The following LIN28B variants were observed in gnomAD, a reference collection of about 807,000 sequenced individuals.
LIN28B encodes the protein protein lin-28 homolog B.
A neutral mutation model predicts 21.9 loss-of-function variants in LIN28B; 5 were observed. That is an observed-to-expected ratio of 0.23 (90% CI 0.12 to 0.48). The LOEUF is 0.48. LIN28B is among the 20% of genes least tolerant of loss of function. LIN28B has a pLI of 0.98. For synonymous variants in LIN28B, 109 were observed against 111.3 expected, an observed-to-expected ratio of 0.98 and a Z score of 0.13; for missense variants, 245 against 310.5, an observed-to-expected ratio of 0.79 and a Z score of 1.58.
chr6:105,020,570 C>T (rs1300018773), intron 2 of LIN28B, among the ~76,000 whole-genome samples: 3 of 151,844 alleles, frequency 2.0e-5, no homozygotes, highest in Non-Finnish European at 4.4e-5. Context: ...CTACCTCCCT[C>T]GGCCTCCCAA....
chr6:104,945,498 G>T (rs1778146410), intron 2 of LIN28B, among the ~76,000 whole-genome samples: 1 of 151,964 alleles, frequency 6.6e-6, no homozygotes, highest in Non-Finnish European at 1.5e-5. Context: ...GTTTTACCTA[G>T]AATCATTTTT....
chr6:105,023,720 TATATG>T (rs1300470754), intron 2 of LIN28B, among the ~76,000 whole-genome samples: 1 of 127,080 alleles, frequency 7.9e-6, no homozygotes, highest in African/African-American at 3.0e-5. Flanking sequence ...GAGGGGGACA[TATATG>T]ATAGAACTTT....
chr6:105,063,048 A>T (rs1487465515), intron 3 of LIN28B, among the ~76,000 whole-genome samples: 1 of 152,130 alleles, frequency 6.6e-6, no homozygotes, highest in Admixed American at 6.5e-5. Context: ...ATGTTGCATG[A>T]TGACATCCTG....
intron 2 of LIN28B, among the ~76,000 whole-genome samples, chr6:105,000,264 ATC>A (rs1770695742): frequency 6.6e-6 from 1 of 152,088 alleles, no homozygotes; most frequent in Non-Finnish European, 1.5e-5. Context: ...TTATATCTCC[ATC>A]TCTCTGTGTG....
chr6:104,964,682 T>C (rs966048998), intron 2 of LIN28B, among the ~76,000 whole-genome samples: 3 of 152,194 alleles, frequency 2.0e-5, no homozygotes, highest in Non-Finnish European at 4.4e-5. Context: ...TTTAAGAAAG[T>C]ACATTGCAGG....
intron 2 of LIN28B, among the ~76,000 whole-genome samples, chr6:105,020,342 G>A (rs1329083528): frequency 1.4e-5 from 2 of 147,726 alleles, no homozygotes; most frequent in African/African-American, 5.2e-5. Context: ...AATACAGCAA[G>A]GATTTTTTTT....
intron 2 of LIN28B, among the ~76,000 whole-genome samples, chr6:104,974,800 G>C (rs1770052682): frequency 6.6e-6 from 1 of 151,426 alleles, no homozygotes; most frequent in African/African-American, 2.4e-5. Flanking sequence ...AAGAATCAAG[G>C]ATATTTTGAA....
chr6:104,986,719 A>G (rs1484642103), intron 2 of LIN28B, among the ~76,000 whole-genome samples: 1 of 152,210 alleles, frequency 6.6e-6, no homozygotes, highest in Non-Finnish European at 1.5e-5. Context: ...AAAAGCACTC[A>G]GAATACAAAA....
intron 2 of LIN28B, among the ~76,000 whole-genome samples, chr6:104,971,445 CTT>C (rs1769983033): frequency 6.6e-6 from 1 of 152,056 alleles, no homozygotes; most frequent in African/African-American, 2.4e-5. Flanking sequence ...TAAATACAAT[CTT>C]TTGGTCTGCT....
At chr6:104,961,371 C>T (rs901282762) in intron 2 of LIN28B, among the ~76,000 whole-genome samples, 1 of 151,830 alleles carries the variant, frequency 6.6e-6, no homozygotes, top group Non-Finnish European at 1.5e-5. Context: ...TAAGGATATA[C>T]GTGGTTAATA....
At chr6:105,050,952 T>A (rs1411863292) in intron 3 of LIN28B, among the ~76,000 whole-genome samples, 3 of 151,236 alleles carry the variant, frequency 2.0e-5, no homozygotes, top group Non-Finnish European at 4.4e-5. Flanking sequence ...TGGTGGCTCA[T>A]GGCTGTAATC....
In LIN28B at chr6:105,079,005, T is replaced by C. The variant is rs1772487991; in HGVS notation, c.*222T>C. The C allele has an allele frequency of 2.0e-6, 1 of 500,026 alleles. No individual in the cohort carries two copies. Among genetic ancestry groups the C allele is most frequent in the Non-Finnish European group, 3.5e-6 (1 of 282,858 alleles). The allele number at this position is 500,026 out of a possible 1,614,324, so 31.0% of individuals were successfully genotyped here. On this transcript the variant is annotated 3_prime_UTR_variant, in exon 4 of 4. Coordinates refer to ENST00000345080, the MANE Select transcript of LIN28B (RefSeq NM_001004317.4). ...GAATAAGATACTATGTCTGTCAATA[T>C]GTGCATGTGTGAGAGGGAGAGAGCC...
intron 2 of LIN28B, among the ~76,000 whole-genome samples, chr6:105,004,956 C>T (rs1289815583): frequency 6.6e-6 from 1 of 152,096 alleles, no homozygotes; most frequent in Non-Finnish European, 1.5e-5. Context: ...TTCCTTTCTT[C>T]TTTACCATTT....
intron 2 of LIN28B, among the ~76,000 whole-genome samples, chr6:104,994,009 A>G (rs1181157838): frequency 6.6e-6 from 1 of 151,842 alleles, no homozygotes; most frequent in East Asian, 1.9e-4. Flanking sequence ...ATAAAAATAT[A>G]TATATATATT....
intron 2 of LIN28B, among the ~76,000 whole-genome samples, chr6:104,981,760 A>G (rs1770231416): frequency 6.6e-6 from 1 of 152,242 alleles, no homozygotes; most frequent in Non-Finnish European, 1.5e-5. Context: ...GATACCCAGA[A>G]AAACAAGGGA....
intron 1 of LIN28B, 75 bp from the exon 2 acceptor site, chr6:104,958,023 CA>C: frequency 9.5e-7 from 1 of 1,051,356 alleles, no homozygotes; most frequent in Non-Finnish European, 1.3e-6. Context: ...CCCAGGCAGG[CA>C]ATTTTTTTTT....
Position 105,054,930 on chromosome 6 carries a change from G to A in LIN28B, c.384-23484G>A, listed in dbSNP as rs180821511. Among the ~76,000 whole-genome samples the A allele has an allele frequency of 7.1e-4, 108 of 151,228 alleles. 1 individual carries two copies. Among genetic ancestry groups the A allele is most frequent in the African/African-American group, 2.5e-3 (104 of 41,142 alleles). Reference sequence around the variant, plus strand: ...CTTTATTTTGACCTAATTTTTAAAAGGTATTTTTAATAGATTTAGAATTCT... The same window carrying A: ...CTTTATTTTGACCTAATTTTTAAAAAGTATTTTTAATAGATTTAGAATTCT... On this transcript the variant is annotated intron_variant, in intron 3 of 3. Coordinates refer to ENST00000345080, the MANE Select transcript of LIN28B (RefSeq NM_001004317.4).
intron 3 of LIN28B, chr6:105,045,649 T>C (rs1169516702): frequency 1.3e-5 from 2 of 152,226 alleles, no homozygotes; most frequent in Admixed American, 1.3e-4. Flanking sequence ...TTTTAGTATA[T>C]GTGCTGGCAA....
At chr6:105,077,873 GAA>G (rs898646698) in intron 3 of LIN28B, among the ~76,000 whole-genome samples, 1 of 151,972 alleles carries the variant, frequency 6.6e-6, no homozygotes, top group Admixed American at 6.6e-5. Context: ...TTATACAAAG[GAA>G]AAAAATTTTT....
Sources: gnomAD v4.1 joint callset for allele counts (sites outside exome capture counted in the v4.1 genomes callset) on GRCh38, gnomAD v4.1.1 for gene constraint, MANE v1.5 for transcripts, NCBI Gene and HGNC (gene_info 2026-07-23, HGNC 2026-07-21) for gene names.